COL25A1: variants seen among roughly 807,000 people sequenced by gnomAD.
COL25A1 encodes collagen type XXV alpha 1 chain.
In COL25A1, 103 loss-of-function variants were observed where a neutral mutation model predicts 128.4. The observed-to-expected ratio is 0.80, with a 90% confidence interval of 0.68 to 0.94. COL25A1 has a LOEUF of 0.94. Among genes scored for constraint, COL25A1 ranks in the 40% least tolerant of loss-of-function variants. The pLI, the probability that COL25A1 is intolerant of heterozygous loss-of-function variation, is 0.00. For missense variants in COL25A1, 745 were observed against 840.0 expected, an observed-to-expected ratio of 0.89 and a Z score of 1.40; for synonymous variants, 279 against 277.2, an observed-to-expected ratio of 1.01 and a Z score of -0.06.
intron 18 of COL25A1, among the ~76,000 whole-genome samples, chr4:108,886,011 A>G (rs1740729836): frequency 6.6e-6 from 1 of 152,216 alleles, no homozygotes; most frequent in Non-Finnish European, 1.5e-5. Context: ...AAGATGTGTA[A>G]GACATTATGG....
intron 19 of COL25A1, among the ~76,000 whole-genome samples, chr4:108,882,357 C>T (rs1229980594): frequency 6.6e-6 from 1 of 150,742 alleles, no homozygotes; most frequent in Non-Finnish European, 1.5e-5. Context: ...GAAGGGACAA[C>T]TAGATTTCAA....
At chr4:109,171,446 G>A (rs376506814) in intron 3 of COL25A1, among the ~76,000 whole-genome samples, 13 of 152,170 alleles carry the variant, frequency 8.5e-5, no homozygotes, top group African/African-American at 3.1e-4. Flanking sequence ...TATAAGAAGA[G>A]GCCAAAAAAC....
chr4:109,060,117 C>T lies in COL25A1; in HGVS notation c.368-9938G>A, dbSNP rs79482388. Among the ~76,000 whole-genome samples the T allele has an allele frequency of 3.8e-3, 586 of 152,218 alleles. 15 individuals carry two copies. The East Asian group carries it at 0.07, about 18-fold the overall frequency. On this transcript the variant is annotated intron_variant, in intron 3 of 37. Coordinates refer to ENST00000399132, the MANE Select transcript of COL25A1 (RefSeq NM_198721.4). Reference sequence around the variant, plus strand: ...CATCTTTAAATAAAGGGCTTCAGAACGTTTATAATGTAGATAATATCCATC... The same window carrying T: ...CATCTTTAAATAAAGGGCTTCAGAATGTTTATAATGTAGATAATATCCATC...
chr4:109,189,758 T>TAGTAAA (rs1775440495), intron 3 of COL25A1, among the ~76,000 whole-genome samples: 1 of 152,088 alleles, frequency 6.6e-6, no homozygotes, highest in Non-Finnish European at 1.5e-5. Context: ...GTCAAGCACT[T>TAGTAAA]TTCCTGTATT....
At chr4:108,872,372 C>A (rs188443734) in intron 19 of COL25A1, among the ~76,000 whole-genome samples, 1 of 152,114 alleles carries the variant, frequency 6.6e-6, no homozygotes, top group African/African-American at 2.4e-5. Flanking sequence ...GCTAAGATTG[C>A]GCCACTGCAC....
At chr4:109,260,212 T>C (rs1490326669) in intron 3 of COL25A1, among the ~76,000 whole-genome samples, 3 of 152,174 alleles carry the variant, frequency 2.0e-5, no homozygotes, top group East Asian at 1.9e-4. Flanking sequence ...TTTTACTCAA[T>C]AGGTATTGGT....
intron 8 of COL25A1, among the ~76,000 whole-genome samples, chr4:108,962,307 C>G (rs912584480): frequency 2.0e-5 from 3 of 152,048 alleles, no homozygotes; most frequent in Non-Finnish European, 4.4e-5. Flanking sequence ...CCTGCCTCAG[C>G]CTCCCAAGTA....
intron 3 of COL25A1, among the ~76,000 whole-genome samples, chr4:109,222,059 CTT>C (rs3041336): frequency 2.3e-5 from 2 of 85,764 alleles, no homozygotes; most frequent in African/African-American, 5.2e-5. Context: ...TAAATAACTT[CTT>C]TTTTTTTTTT....
intron 3 of COL25A1, among the ~76,000 whole-genome samples, chr4:109,072,877 C>T (rs1369743776): frequency 3.3e-5 from 5 of 152,318 alleles, no homozygotes; most frequent in Admixed American, 2.6e-4. Flanking sequence ...AAACTTTATA[C>T]TGCTCCGCAC....
intron 13 of COL25A1, among the ~76,000 whole-genome samples, chr4:108,903,467 C>T (rs759801230): frequency 1.3e-5 from 2 of 151,990 alleles, no homozygotes; most frequent in Non-Finnish European, 2.9e-5. Context: ...CTATCAAAGT[C>T]AGGTGTGACC....
intron 20 of COL25A1, among the ~76,000 whole-genome samples, chr4:108,863,858 C>T (rs1215338511): frequency 6.6e-6 from 1 of 152,158 alleles, no homozygotes; most frequent in Non-Finnish European, 1.5e-5. Context: ...GGGACTTGTA[C>T]CAGTGCCCCT....
At chr4:108,950,640 T>G (rs1749310617) in intron 8 of COL25A1, among the ~76,000 whole-genome samples, 1 of 152,230 alleles carries the variant, frequency 6.6e-6, no homozygotes, top group South Asian at 2.1e-4. Context: ...CCTTGAGACG[T>G]AGACTCTGTT....
At chr4:108,991,438 T>C (rs990828455) in intron 6 of COL25A1, among the ~76,000 whole-genome samples, 2 of 152,204 alleles carry the variant, frequency 1.3e-5, no homozygotes, top group Non-Finnish European at 2.9e-5. Context: ...TGGAGTACAA[T>C]GGAGTTTTTC....
At chr4:109,091,894 A>G (rs1278894577) in intron 3 of COL25A1, among the ~76,000 whole-genome samples, 3 of 152,132 alleles carry the variant, frequency 2.0e-5, no homozygotes, top group African/African-American at 7.2e-5. Flanking sequence ...TCCAAGATTC[A>G]TTGAGATGTG....
chr4:108,853,339 C>T (rs1300213432), intron 24 of COL25A1, among the ~76,000 whole-genome samples: 1 of 151,822 alleles, frequency 6.6e-6, no homozygotes, highest in Non-Finnish European at 1.5e-5. Context: ...CTCTTTTAGT[C>T]TGCAGCTCAT....
chr4:108,846,365 T>C, intron 27 of COL25A1, 146 bp from the exon 28 acceptor site: 2 of 633,402 alleles, frequency 3.2e-6, no homozygotes, highest in South Asian at 2.0e-5. Context: ...GGTAGAGTTA[T>C]TTCTTACAGC....
chr4:109,279,062 C>T (rs963431116), intron 3 of COL25A1, among the ~76,000 whole-genome samples: 8 of 151,636 alleles, frequency 5.3e-5, no homozygotes, highest in African/African-American at 1.9e-4. Flanking sequence ...AAAAGACCTA[C>T]CTCTTAATTC....
chr4:109,160,728 A>G (rs1772493983), intron 3 of COL25A1, among the ~76,000 whole-genome samples: 1 of 152,162 alleles, frequency 6.6e-6, no homozygotes, highest in Non-Finnish European at 1.5e-5. Flanking sequence ...ACTGACCCCA[A>G]GGGATGGCCA....
In COL25A1 at chr4:108,959,738, G is replaced by A. The variant is rs114634351; in HGVS notation, c.492+14629C>T. On this transcript the variant is annotated intron_variant, in intron 8 of 37. Transcript: ENST00000399132. ...GCTCCAAAGTGGAAGTAATACCACA[G>A]ACCAGTATAGAGTTACAGCACTAAC... 6.5e-3 allele frequency among the ~76,000 whole-genome samples: 990 copies of A among 152,218 alleles called. 12 individuals carry two copies. The highest frequency in any genetic ancestry group is 0.023 in the African/African-American group (947 of 41,574).
Sources: gnomAD v4.1 joint callset for allele counts (sites outside exome capture counted in the v4.1 genomes callset) on GRCh38, gnomAD v4.1.1 for gene constraint, MANE v1.5 for transcripts, NCBI Gene and HGNC (gene_info 2026-07-23, HGNC 2026-07-21) for gene names.